KCNJ6: variants seen among roughly 807,000 people sequenced by gnomAD.
KCNJ6 encodes potassium inwardly rectifying channel subfamily J member 6, also known as G protein-activated inward rectifier potassium channel 2.
In KCNJ6, 9 loss-of-function variants were observed where a neutral mutation model predicts 34.2. The ratio of observed to expected loss-of-function variants is 0.26; its 90% confidence interval spans 0.16 to 0.46. The LOEUF (loss-of-function observed/expected upper bound fraction) is 0.46, where lower values mean the gene tolerates loss of function less well. Ranked by LOEUF, KCNJ6 falls within the 20% of genes least tolerant of loss-of-function variation. KCNJ6 has a pLI of 1.00. For synonymous variants in KCNJ6, 196 were observed against 207.1 expected (o/e 0.95, Z 0.46); for missense variants, 236 against 531.3 (o/e 0.44, Z 5.46).
At chr21:37,812,195 T>C (rs965155267) in intron 2 of KCNJ6, among the ~76,000 whole-genome samples, 1 of 152,150 alleles carries the variant, frequency 6.6e-6, no homozygotes, top group African/African-American at 2.4e-5. Context: ...CCTGTTACCC[T>C]AGTGTTTGGG....
chr21:37,643,530 G>A (rs752334993), intron 3 of KCNJ6, among the ~76,000 whole-genome samples: 2 of 152,240 alleles, frequency 1.3e-5, no homozygotes, highest in Non-Finnish European at 2.9e-5. Context: ...CAAGGGGTGG[G>A]TAGCTGGAGG....
intron 2 of KCNJ6, among the ~76,000 whole-genome samples, chr21:37,745,216 T>C (rs2054962140): frequency 6.6e-6 from 1 of 151,656 alleles, no homozygotes; most frequent in African/African-American, 2.4e-5. Context: ...TGCCTCAGCC[T>C]TCTGAGTAGC....
In KCNJ6 at chr21:37,800,925, G is replaced by C. The variant is rs532848114; in HGVS notation, c.25+39733C>G. On this transcript the variant is annotated intron_variant, in intron 2 of 3. Transcript: ENST00000609713. ...ATCGGGTAGGATCCTGACTCAGAGA[G>C]AGACTGAACTACAGGGAACTGGATG... Among the ~76,000 whole-genome samples, 4 of 152,334 alleles carry C rather than the reference G, an allele frequency of 2.6e-5. No homozygotes were observed. The South Asian group carries it at 8.3e-4, about 32-fold the overall frequency.
intron 2 of KCNJ6, among the ~76,000 whole-genome samples, chr21:37,789,306 T>A (rs1369856290): frequency 6.6e-6 from 1 of 152,058 alleles, no homozygotes; most frequent in Non-Finnish European, 1.5e-5. Flanking sequence ...TTTTAGGAGG[T>A]AACTAAGGTC....
chr21:37,689,113 T>C (rs1342994336), intron 3 of KCNJ6, among the ~76,000 whole-genome samples: 6 of 152,202 alleles, frequency 3.9e-5, no homozygotes, highest in Admixed American at 6.5e-5. Context: ...ATTCTCTCTG[T>C]TCCTCTATCT....
chr21:37,810,758 T>G (rs2055318751), intron 2 of KCNJ6, among the ~76,000 whole-genome samples: 1 of 152,232 alleles, frequency 6.6e-6, no homozygotes, highest in Non-Finnish European at 1.5e-5. Flanking sequence ...TGATTTATAA[T>G]AAGATATACA....
chr21:37,667,595 A>C (rs1381409916), intron 3 of KCNJ6, among the ~76,000 whole-genome samples: 1 of 147,702 alleles, frequency 6.8e-6, no homozygotes, highest in Non-Finnish European at 1.5e-5. Flanking sequence ...GGGTAGCAGG[A>C]GCCAGGGTAG....
chr21:37,707,088 A>G (rs1367445430), intron 3 of KCNJ6, among the ~76,000 whole-genome samples: 1 of 121,040 alleles, frequency 8.3e-6, no homozygotes, highest in African/African-American at 3.3e-5. Flanking sequence ...TTCAGATCCC[A>G]TCGATTTGTC....
rs2054292089 is a variant in KCNJ6, at chr21:37,622,241, T to G, written c.*2918A>C. On this transcript the variant is annotated 3_prime_UTR_variant, in exon 4 of 4. Coordinates refer to ENST00000609713, the MANE Select transcript of KCNJ6 (RefSeq NM_002240.5). ...GATCTTCATTAGTTATGGATACTGT[T>G]GTATTAAAAGAGACTTTTAAAAAAT... is the stretch of plus-strand genomic sequence containing the variant. The G allele has an allele frequency of 6.6e-6, 1 of 152,208 alleles. No homozygotes were observed. 9.4% of individuals were successfully genotyped at this position (152,208 alleles called of 1,614,324 possible).
chr21:37,880,747 CA>C (rs1180718660), intron 1 of KCNJ6, among the ~76,000 whole-genome samples: 6 of 152,152 alleles, frequency 3.9e-5, no homozygotes, highest in Non-Finnish European at 5.9e-5. Context: ...TGTTTTTATC[CA>C]GGGCTTTCCA....
intron 3 of KCNJ6, among the ~76,000 whole-genome samples, chr21:37,633,419 T>G (rs2054342488): frequency 6.6e-6 from 1 of 152,182 alleles, no homozygotes. Context: ...TAAATACAGA[T>G]GCAGTAAATG....
intron 2 of KCNJ6, among the ~76,000 whole-genome samples, chr21:37,718,947 TGGGTGC>T (rs2054809480): frequency 6.6e-6 from 1 of 152,094 alleles, no homozygotes; most frequent in Admixed American, 6.5e-5. Context: ...GGTGAGGCCG[TGGGTGC>T]AGGCCAGGTG....
At chr21:37,864,054 T>C (rs1268820725) in intron 1 of KCNJ6, among the ~76,000 whole-genome samples, 3 of 151,818 alleles carry the variant, frequency 2.0e-5, no homozygotes, top group African/African-American at 7.3e-5. Flanking sequence ...GTCTACGTCA[T>C]CCAACAGCTG....
chr21:37,743,231 C>T (rs2054949872), intron 2 of KCNJ6, among the ~76,000 whole-genome samples: 1 of 152,104 alleles, frequency 6.6e-6, no homozygotes, highest in African/African-American at 2.4e-5. Context: ...TGTGATGGTA[C>T]CTGAGACATA....
chr21:37,733,956 A>G (rs938042552), intron 2 of KCNJ6, among the ~76,000 whole-genome samples: 4 of 152,218 alleles, frequency 2.6e-5, no homozygotes, highest in African/African-American at 9.7e-5. Context: ...ATGTTCTTCA[A>G]AATGGCCCTG....
At chr21:37,661,819 G>A (rs978247430) in intron 3 of KCNJ6, among the ~76,000 whole-genome samples, 4 of 150,988 alleles carry the variant, frequency 2.6e-5, no homozygotes, top group Admixed American at 1.3e-4. Context: ...TAGTACAGAC[G>A]GGGTTTCACC....
intron 2 of KCNJ6, among the ~76,000 whole-genome samples, chr21:37,798,535 C>T (rs951295616): frequency 6.6e-6 from 1 of 152,194 alleles, no homozygotes; most frequent in African/African-American, 2.4e-5. Context: ...TGTACATCAA[C>T]CGATCAGTGG....
chr21:37,732,313 A>G (rs2054889682), intron 2 of KCNJ6, among the ~76,000 whole-genome samples: 1 of 152,230 alleles, frequency 6.6e-6, no homozygotes, highest in South Asian at 2.1e-4. Flanking sequence ...CAGTTGTTCC[A>G]GTCTTTCCAA....
In KCNJ6 at chr21:37,623,029, C is replaced by A. The variant is rs2123359348; in HGVS notation, c.*2130G>T. 6.6e-6 allele frequency: 1 copy of A among 152,326 alleles called. No homozygotes were observed. The highest frequency in any genetic ancestry group is 1.5e-5 in the Non-Finnish European group (1 of 68,036). 9.4% of individuals were successfully genotyped at this position (152,326 alleles called of 1,614,324 possible). A position where few individuals can be genotyped will look rare whatever the true frequency, so the allele number is the denominator to read the frequency against. On this transcript the variant is annotated 3_prime_UTR_variant, in exon 4 of 4. Transcript: ENST00000609713. ...GCAGCCTCAAGGGGAGTGTATCGAG[C>A]TTCCTCCTCCCGGACCACCACCTCC... is the stretch of plus-strand genomic sequence containing the variant.
Sources: allele counts gnomAD v4.1 joint callset (sites outside exome capture counted in the v4.1 genomes callset), GRCh38; gene constraint gnomAD v4.1.1; transcripts MANE v1.5; gene names NCBI Gene and HGNC (gene_info 2026-07-23, HGNC 2026-07-21).